Variants in TTC7B observed in about 807,000 individuals in gnomAD.
TTC7B encodes the protein tetratricopeptide repeat protein 7B.
Under a neutral mutation model 106.8 loss-of-function variants are expected in TTC7B, and 28 were observed. The observed-to-expected ratio is 0.26, with a 90% CI of 0.19 to 0.36. The LOEUF (loss-of-function observed/expected upper bound fraction) is 0.36. TTC7B is among the 10% of genes least tolerant of loss of function. TTC7B has a pLI of 1.00. For synonymous variants in TTC7B, 405 were observed against 430.6 expected (o/e 0.94, Z 0.74); for missense variants, 862 against 1,076.4 (o/e 0.80, Z 2.79).
intron 5 of TTC7B, among the ~76,000 whole-genome samples, chr14:90,700,899 GAGA>G (rs942813303): frequency 7.9e-5 from 12 of 151,706 alleles, no homozygotes; most frequent in African/African-American, 2.7e-4. Context: ...TGGAAAGTGG[GAGA>G]AGAACAGATA....
chr14:90,664,191 G>C (rs1051591963), intron 9 of TTC7B, among the ~76,000 whole-genome samples: 2 of 152,152 alleles, frequency 1.3e-5, no homozygotes, highest in Non-Finnish European at 2.9e-5. Context: ...ATGTGTATGG[G>C]ACAGAGTAAA....
chr14:90,692,615 C>T (rs904410726), intron 6 of TTC7B, among the ~76,000 whole-genome samples: 1 of 152,114 alleles, frequency 6.6e-6, no homozygotes, highest in Non-Finnish European at 1.5e-5. Flanking sequence ...TTTTTAAATG[C>T]GCTTTTAAAA....
At chr14:90,664,926 G>A (rs1470288229) in intron 9 of TTC7B, among the ~76,000 whole-genome samples, 1 of 152,180 alleles carries the variant, frequency 6.6e-6, no homozygotes, top group Non-Finnish European at 1.5e-5. Context: ...CTGAAGGGCA[G>A]ATGAAGGGGA....
chr14:90,679,377 G>T lies in TTC7B; in HGVS notation c.1014+1095C>A, dbSNP rs553372059. On this transcript the variant is annotated intron_variant, in intron 8 of 19. Transcript: ENST00000328459. ...GTACGTTATTATGCTCAGACCCCAT[G>T]TCTATACTCACCTGAGTCCATTTTA... Among the ~76,000 whole-genome samples, 295 of 152,310 alleles carry T rather than the reference G, an allele frequency of 1.9e-3. 1 individual carries two copies. The highest frequency in any genetic ancestry group is 6.7e-3 in the African/African-American group (278 of 41,560).
chr14:90,812,181 G>A (rs992749143), intron 1 of TTC7B, among the ~76,000 whole-genome samples: 6 of 152,178 alleles, frequency 3.9e-5, no homozygotes, highest in South Asian at 2.1e-4. Flanking sequence ...GGCAGGCTCC[G>A]AGAGGCTAAG....
chr14:90,794,211 C>CT (rs1186061223), intron 1 of TTC7B, among the ~76,000 whole-genome samples: 5,647 of 45,006 alleles, frequency 0.13, 501 homozygotes, highest in East Asian at 0.29. Context: ...CTGGGTATTT[C>CT]TTTTTTTTTT....
intron 1 of TTC7B, among the ~76,000 whole-genome samples, chr14:90,799,986 C>G (rs112316295): frequency 6.6e-6 from 1 of 152,068 alleles, no homozygotes; most frequent in African/African-American, 2.4e-5. Context: ...GCGCCCGCCA[C>G]CACGCCCAGC....
chr14:90,536,193 ACCCTGCCTGCTCTCCGCCT>A lies in TTC7B; in HGVS notation c.*5156_*5174del, dbSNP rs1399431318. 1 of 154,626 alleles carries A rather than the reference ACCCTGCCTGCTCTCCGCCT, an allele frequency of 6.5e-6. No homozygotes were observed. Among genetic ancestry groups the A allele is most frequent in the Non-Finnish European group, 1.5e-5 (1 of 68,892 alleles). The allele number at this position is 154,626 out of a possible 1,614,324, so 9.6% of individuals were successfully genotyped here. The stretch of plus-strand genomic sequence containing the variant: ...CCCACCCACCTCCTCCAGGAAGCTC[ACCCTGCCTGCTCTCCGCCT>A]CCCTTGCAGCTGCTCCTGCGCCTTC... On this transcript the variant is annotated 3_prime_UTR_variant, in exon 20 of 20. Coordinates refer to ENST00000328459, the MANE Select transcript of TTC7B (RefSeq NM_001010854.2).
intron 8 of TTC7B, among the ~76,000 whole-genome samples, chr14:90,677,235 A>G (rs1289473074): frequency 2.6e-5 from 4 of 152,244 alleles, no homozygotes; most frequent in Non-Finnish European, 5.9e-5. Context: ...GATGAGTTCA[A>G]TCTTGTTTAA....
chr14:90,634,580 C>T (rs1195448273), intron 15 of TTC7B, among the ~76,000 whole-genome samples: 3 of 151,810 alleles, frequency 2.0e-5, no homozygotes, highest in Non-Finnish European at 2.9e-5. Flanking sequence ...AAGACCAGCC[C>T]GGCCAACATG....
chr14:90,776,175 A>ACACACACACACACACG (rs1467799034), intron 3 of TTC7B, among the ~76,000 whole-genome samples: 1 of 148,974 alleles, frequency 6.7e-6, no homozygotes, highest in East Asian at 2.0e-4. Context: ...ACACACACAC[A>ACACACACACACACACG]CGCCAGGAAT....
At chr14:90,550,639 C>T (rs1890037435) in intron 19 of TTC7B, among the ~76,000 whole-genome samples, 1 of 152,186 alleles carries the variant, frequency 6.6e-6, no homozygotes, top group African/African-American at 2.4e-5. Flanking sequence ...CCTCAGTTGA[C>T]ACTATTAGTG....
In TTC7B at chr14:90,639,371, A is replaced by G. The variant is rs571786523; in HGVS notation, c.1751+4677T>C. Among the ~76,000 whole-genome samples the G allele has an allele frequency of 2.6e-5, 4 of 152,342 alleles. No individual in the cohort carries two copies. The South Asian group carries it at 8.3e-4, about 32-fold the overall frequency. ...TATTAAGGAAAAGACCATCCAATAA[A>G]AAAGAAGGAATTTCACATACACTTC... On this transcript the variant is annotated intron_variant, in intron 15 of 19. Transcript: ENST00000328459.
At chr14:90,749,048 A>T (rs1366643209) in intron 3 of TTC7B, among the ~76,000 whole-genome samples, 1 of 152,218 alleles carries the variant, frequency 6.6e-6, no homozygotes, top group Non-Finnish European at 1.5e-5. Flanking sequence ...CATTACTCTC[A>T]AAGGTGCTGC....
In TTC7B at chr14:90,558,669, C is replaced by T. The variant is rs1362761048; in HGVS notation, c.2311-17080G>A. Among the ~76,000 whole-genome samples, 3 of 152,362 alleles carry T rather than the reference C, an allele frequency of 2.0e-5. No homozygotes were observed. In the East Asian group the frequency reaches 5.8e-4, roughly 29 times the overall value. On this transcript the variant is annotated intron_variant, in intron 19 of 19. Coordinates refer to ENST00000328459, the MANE Select transcript of TTC7B (RefSeq NM_001010854.2). Reference sequence around the variant, plus strand: ...CCACAAATAACAAGAGAATTCACAGCCCCAAAGGGCGGGGTCTCCCCGGCC... The same window carrying T: ...CCACAAATAACAAGAGAATTCACAGTCCCAAAGGGCGGGGTCTCCCCGGCC...
intron 9 of TTC7B, among the ~76,000 whole-genome samples, chr14:90,658,952 G>C (rs1886068739): frequency 6.6e-6 from 1 of 152,248 alleles, no homozygotes; most frequent in African/African-American, 2.4e-5. Flanking sequence ...GATGACGTTA[G>C]AGCTTTAGGA....
chr14:90,660,646 C>T (rs1006976536), intron 9 of TTC7B, among the ~76,000 whole-genome samples: 13 of 151,690 alleles, frequency 8.6e-5, no homozygotes, highest in Non-Finnish European at 7.4e-5. Context: ...TCAGGATTCA[C>T]GGACAGTGAA....
At chr14:90,606,865 C>T (rs546422707) in intron 17 of TTC7B, among the ~76,000 whole-genome samples, 1 of 152,310 alleles carries the variant, frequency 6.6e-6, no homozygotes, top group Admixed American at 6.5e-5. Flanking sequence ...AAACCGTATT[C>T]CAGTTAACCA....
At chr14:90,628,444 G>A (rs1337867108) in intron 15 of TTC7B, among the ~76,000 whole-genome samples, 1 of 152,206 alleles carries the variant, frequency 6.6e-6, no homozygotes, top group Non-Finnish European at 1.5e-5. Flanking sequence ...AGTTTGAGGA[G>A]GGGAGCACAG....
Sources: gnomAD v4.1 joint callset for allele counts (sites outside exome capture counted in the v4.1 genomes callset) on GRCh38, gnomAD v4.1.1 for gene constraint, MANE v1.5 for transcripts, NCBI Gene and HGNC (gene_info 2026-07-23, HGNC 2026-07-21) for gene names.